Variants in EEPD1 observed in about 807,000 individuals in gnomAD.
The protein encoded by EEPD1 is endonuclease/exonuclease/phosphatase family domain containing 1, also known as endonuclease/exonuclease/phosphatase family domain-containing protein 1.
Under a neutral mutation model 46.3 loss-of-function variants are expected in EEPD1, and 17 were observed. The observed-to-expected ratio is 0.37, with a 90% CI of 0.25 to 0.55. EEPD1 has a LOEUF of 0.55. Among genes scored for constraint, EEPD1 ranks in the 20% least tolerant of loss-of-function variants. The pLI is 0.83. For missense variants in EEPD1, 673 were observed against 745.6 expected, an observed-to-expected ratio of 0.90 and a Z score of 1.13; for synonymous variants, 313 against 315.6, an observed-to-expected ratio of 0.99 and a Z score of 0.09.
intron 3 of EEPD1, among the ~76,000 whole-genome samples, chr7:36,278,519 G>A (rs922561334): frequency 2.0e-5 from 3 of 151,194 alleles, no homozygotes; most frequent in East Asian, 1.9e-4. Flanking sequence ...TGGGGGGGGC[G>A]CTTCTTAAAA....
intron 2 of EEPD1, among the ~76,000 whole-genome samples, chr7:36,218,409 ATT>A: frequency 6.6e-6 from 1 of 151,828 alleles, no homozygotes. Flanking sequence ...TAAAAAAAAA[ATT>A]ATAACAATAG....
intron 2 of EEPD1, among the ~76,000 whole-genome samples, chr7:36,185,770 G>A (rs1220552779): frequency 2.6e-5 from 4 of 152,180 alleles, no homozygotes; most frequent in Admixed American, 1.3e-4. Context: ...TTAAGGTTTC[G>A]TTTTGTGCCC....
At chr7:36,182,366 C>T (rs989522381) in intron 2 of EEPD1, among the ~76,000 whole-genome samples, 50 of 152,330 alleles carry the variant, frequency 3.3e-4, no homozygotes, top group African/African-American at 1.1e-3. Context: ...AGAGCCAACA[C>T]AATGGCAGTC....
At chr7:36,205,166 G>T (rs1325391962) in intron 2 of EEPD1, among the ~76,000 whole-genome samples, 3 of 152,104 alleles carry the variant, frequency 2.0e-5, no homozygotes, top group African/African-American at 4.8e-5. Context: ...CAGGGAGGGG[G>T]GTCACCAGGA....
Position 36,259,402 on chromosome 7 carries a change from G to A in EEPD1, c.930+20366G>A, listed in dbSNP as rs533016396. Among the ~76,000 whole-genome samples, 8 of 152,192 alleles carry A rather than the reference G, an allele frequency of 5.3e-5. No homozygotes were observed. In the East Asian group the frequency reaches 1.2e-3, roughly 22 times the overall value. ...CTTAATTTTAGTAAGATATAGAAAC[G>A]TTACTACTGTATAGCTGTATTCCGT... On this transcript the variant is annotated intron_variant, in intron 3 of 7. Coordinates refer to ENST00000242108, the MANE Select transcript of EEPD1 (RefSeq NM_030636.3).
chr7:36,198,321 TAAGAAAAAAAAAAAAGAA>T lies in EEPD1; in HGVS notation c.879-40648_879-40631del, dbSNP rs1175728073. ...ATTTCCTGTAGGCCCAACCTGGTCT[TAAGAAAAAAAAAAAAGAA>T]AAGAAAAAAAAAAAAAAAAGAAAGA... On this transcript the variant is annotated intron_variant, in intron 2 of 7. Transcript: ENST00000242108. 6.9e-4 allele frequency among the ~76,000 whole-genome samples: 27 copies of T among 39,016 alleles called. No individual in the cohort carries two copies. The East Asian group carries it at 0.029, about 41-fold the overall frequency. The allele number at this position is 39,016 out of a possible 152,430, so 25.6% of individuals were successfully genotyped here. A position where few individuals can be genotyped will look rare whatever the true frequency, so the allele number is the denominator to read the frequency against.
intron 2 of EEPD1, among the ~76,000 whole-genome samples, chr7:36,219,609 A>C (rs959324470): frequency 5.4e-5 from 8 of 147,676 alleles, no homozygotes; most frequent in African/African-American, 2.1e-4. Flanking sequence ...GAGGAAGAGG[A>C]AGGAAGGAAA....
At chr7:36,174,392 C>T (rs1024448355) in intron 2 of EEPD1, among the ~76,000 whole-genome samples, 4 of 152,122 alleles carry the variant, frequency 2.6e-5, no homozygotes, top group Non-Finnish European at 4.4e-5. Context: ...TATGAGGAAG[C>T]GTAACACATG....
At chr7:36,198,415 C>CAAAAAA (rs70977116) in intron 2 of EEPD1, among the ~76,000 whole-genome samples, 1 of 93,654 alleles carries the variant, frequency 1.1e-5, no homozygotes. Flanking sequence ...TTTAATAAAC[C>CAAAAAA]AAAAAAAAAA....
intron 3 of EEPD1, among the ~76,000 whole-genome samples, chr7:36,245,542 G>A (rs898663015): frequency 5.3e-5 from 8 of 152,120 alleles, no homozygotes; most frequent in African/African-American, 1.2e-4. Flanking sequence ...TAGGAGGTGG[G>A]GGCCCCTTGT....
At chr7:36,201,231 C>T (rs558903762) in intron 2 of EEPD1, among the ~76,000 whole-genome samples, 9 of 152,238 alleles carry the variant, frequency 5.9e-5, no homozygotes, top group South Asian at 2.1e-4. Context: ...CAACTAAATA[C>T]GCTGTTGGGA....
chr7:36,241,463 ACT>A (rs1299712210), intron 3 of EEPD1, among the ~76,000 whole-genome samples: 2 of 152,000 alleles, frequency 1.3e-5, no homozygotes, highest in African/African-American at 4.8e-5. Context: ...GCAGAGCGAG[ACT>A]CTGTCTCAAA....
chr7:36,165,075 T>G (rs1784960726), intron 2 of EEPD1, among the ~76,000 whole-genome samples: 1 of 152,138 alleles, frequency 6.6e-6, no homozygotes, highest in Non-Finnish European at 1.5e-5. Flanking sequence ...GTAGCCTAAG[T>G]GCACAGTGTT....
At chr7:36,210,415 C>T (rs1368777563) in intron 2 of EEPD1, among the ~76,000 whole-genome samples, 1 of 152,148 alleles carries the variant, frequency 6.6e-6, no homozygotes, top group Non-Finnish European at 1.5e-5. Context: ...TCTAAGATTC[C>T]TCTGAAAGAA....
chr7:36,284,628 T>C (rs915177114), intron 4 of EEPD1, 58 bp from the exon 5 acceptor site: 1 of 1,572,310 alleles, frequency 6.4e-7, no homozygotes, highest in Non-Finnish European at 8.6e-7. Context: ...CTCTGCCTCC[T>C]TTCCCCAGGT....
chr7:36,236,140 T>A (rs1786433351), intron 2 of EEPD1, among the ~76,000 whole-genome samples: 1 of 152,190 alleles, frequency 6.6e-6, no homozygotes, highest in South Asian at 2.1e-4. Flanking sequence ...GGTGACAACA[T>A]GCTAGCAGCC....
intron 3 of EEPD1, among the ~76,000 whole-genome samples, chr7:36,248,811 T>C (rs1786683748): frequency 6.6e-6 from 1 of 152,078 alleles, no homozygotes; most frequent in Non-Finnish European, 1.5e-5. Flanking sequence ...GGTGAGCAGA[T>C]TGGGGGTGGG....
intron 2 of EEPD1, among the ~76,000 whole-genome samples, chr7:36,215,725 C>T (rs1045758847): frequency 2.0e-5 from 3 of 152,148 alleles, no homozygotes; most frequent in Non-Finnish European, 4.4e-5. Flanking sequence ...AAGGGCTGGT[C>T]CCCTTCCCCT....
At chr7:36,221,348 A>T (rs1786143416) in intron 2 of EEPD1, among the ~76,000 whole-genome samples, 1 of 152,202 alleles carries the variant, frequency 6.6e-6, no homozygotes. Context: ...TTATCTGTGT[A>T]TCTTTTTACT....
Sources: allele counts gnomAD v4.1 joint callset (sites outside exome capture counted in the v4.1 genomes callset), GRCh38; gene constraint gnomAD v4.1.1; transcripts MANE v1.5; gene names NCBI Gene and HGNC (gene_info 2026-07-23, HGNC 2026-07-21).